The following MEFV variants were observed in gnomAD, a reference collection of about 807,000 sequenced individuals.
The protein encoded by MEFV is MEFV innate immunity regulator, pyrin.
Under a neutral mutation model 62.5 loss-of-function variants are expected in MEFV, and 60 were observed. That is an observed-to-expected ratio of 0.96 (90% confidence interval 0.78 to 1.19). The LOEUF (loss-of-function observed/expected upper bound fraction) is 1.19, where lower values mean the gene tolerates loss of function less well. Among genes scored for constraint, MEFV ranks in the 50% most tolerant of loss-of-function variants. The pLI, the probability that MEFV is intolerant of heterozygous loss-of-function variation, is 0.00. For missense variants in MEFV, 1,169 were observed against 1,004.5 expected, an observed-to-expected ratio of 1.16 and a Z score of -2.21; for synonymous variants, 500 against 415.2, an observed-to-expected ratio of 1.20 and a Z score of -2.48.
intron 2 of MEFV, among the ~76,000 whole-genome samples, chr16:3,253,769 A>G (rs1271998017): frequency 6.6e-6 from 1 of 151,726 alleles, no homozygotes; most frequent in Non-Finnish European, 1.5e-5. Flanking sequence ...GTAGCCTGGA[A>G]CTCCGTCTGC....
In MEFV at chr16:3,243,567, G is replaced by C. The variant is rs104895115; in HGVS notation, c.1920C>G (p.Ile640Met). The part of the protein sequence containing the change: ...PDGPQRFDSC[I>M]IVLGSPSFLS... ...GGAAACTCGGAGAGCCCAGAACAAT[G>C]ATACAGCTGTCAAATCTTTGCGGGC... is the stretch of plus-strand genomic sequence containing the variant. Residue 640 changes from isoleucine (I) to methionine (M), a missense_variant, in exon 10 of 10, where the codon ATC (isoleucine) becomes ATG (methionine). Physicochemically the swap from Ile to Met is conservative, Grantham distance 10 (BLOSUM62 1). Transcript: ENST00000219596. 80 of 1,609,972 alleles carry C rather than the reference G, an allele frequency of 5.0e-5. No individual in the cohort carries two copies. Among genetic ancestry groups the C allele is most frequent in the Non-Finnish European group, 6.5e-5 (76 of 1,177,572 alleles).
intron 1 of MEFV, 36 bp downstream of exon 1, chr16:3,256,275 C>G (rs747391611): frequency 6.2e-6 from 10 of 1,608,092 alleles, no homozygotes; most frequent in Non-Finnish European, 8.5e-6. Flanking sequence ...AGCCAGCACT[C>G]AGCACTGGAT....
intron 2 of MEFV, among the ~76,000 whole-genome samples, chr16:3,251,063 C>G (rs1055999040): frequency 6.7e-6 from 1 of 149,278 alleles, no homozygotes; most frequent in African/African-American, 2.5e-5. Flanking sequence ...GAAACACACT[C>G]AATCCTTTAG....
chr16:3,251,757 G>A (rs224217), intron 2 of MEFV, among the ~76,000 whole-genome samples: 66,363 of 151,982 alleles, frequency 0.44, 15,059 homozygotes, highest in Admixed American at 0.52. Flanking sequence ...TCTACCTGGT[G>A]TCCATAAACC....
chr16:3,252,584 A>G (rs745685945), intron 2 of MEFV, among the ~76,000 whole-genome samples: 2 of 151,594 alleles, frequency 1.3e-5, no homozygotes, highest in African/African-American at 2.4e-5. Context: ...TGGACCCCCA[A>G]TTCTATTTCT....
rs895839095 is a variant in MEFV at position 3,254,659 on chromosome 16, C to A, written c.409G>T (p.Gly137Cys). ...NEGNGPRPYG[G>C]GAASLRCSQP... ...CTGCACCGCAGGCTGGCAGCTCCGC[C>A]CCCGTACGGCCGAGGGCCGTTCCCC... The change falls in exon 2 of 10, where the codon GGC becomes TGC. Residue 137 changes from glycine to cysteine, a missense_variant. Physicochemically the swap from Gly to Cys is radical, Grantham distance 159. Transcript: ENST00000219596. The A allele has an allele frequency of 5.0e-6, 8 of 1,610,370 alleles. No homozygotes were observed. In the African/African-American group the frequency reaches 1.1e-4, roughly 22 times the overall value.
Position 3,254,290 on chromosome 16 carries a change from G to C in MEFV, c.778C>G (p.Leu260Val). Residue 260 changes from leucine to valine, a missense_variant, in exon 2 of 10, where the codon CTC becomes GTC. Physicochemically the swap from Leu to Val is conservative, Grantham distance 32 (BLOSUM62 1). Transcript: ENST00000219596. ...GCTGTCTTTTCCTCTAGAGTCAGGA[G>C]AATTTCTGGATTTGCGGGCGCCTTC... ...GEKAPANPEI[L>V]LTLEEKTAAN... 1 of 1,614,254 alleles carries C rather than the reference G, an allele frequency of 6.2e-7. No individual in the cohort carries two copies. Among genetic ancestry groups the C allele is most frequent in the Non-Finnish European group, 8.5e-7 (1 of 1,180,046 alleles).
chr16:3,254,403 C>CCCGGGGCGCCCCCCG lies in MEFV; in HGVS notation c.650_664dup (p.Ala217_Pro221dup), dbSNP rs1375765405. 8 of 1,613,162 alleles carry CCCGGGGCGCCCCCCG rather than the reference C, an allele frequency of 5.0e-6. No homozygotes were observed. Among genetic ancestry groups the CCCGGGGCGCCCCCCG allele is most frequent in the Non-Finnish European group, 6.8e-6 (8 of 1,179,846 alleles). ...TTCGAAGGGCCTGCACTCCTTCTGC[C>CCCGGGGCGCCCCCCG]CCGGGGCGCCCCCCGCCAGCCCCTG... On this transcript the variant is annotated inframe_insertion, in exon 2 of 10. Coordinates refer to ENST00000219596, the MANE Select transcript of MEFV (RefSeq NM_000243.3).
Position 3,243,848 on chromosome 16 carries a change from C to T in MEFV, c.1792+12G>A. On this transcript the variant is annotated intron_variant, in intron 9 of 9. Coordinates refer to ENST00000219596, the MANE Select transcript of MEFV (RefSeq NM_000243.3). ...GCAGGCCAGGGCCACTTGCCTTGAT[C>T]TGGGCACTTACCAGCATGTGCCTGA... 6.2e-7 allele frequency: 1 copy of T among 1,613,672 alleles called. No individual in the cohort carries two copies. Among genetic ancestry groups the T allele is most frequent in the Non-Finnish European group, 8.5e-7 (1 of 1,179,796 alleles).
At chr16:3,244,112 G>T in intron 8 of MEFV, 142 bp downstream of exon 8, 2 of 1,554,526 alleles carry the variant, frequency 1.3e-6, no homozygotes, top group Middle Eastern at 1.7e-4. Context: ...GAGCCTGGGG[G>T]GCCTGCCATG....
In MEFV at chr16:3,254,529, G is replaced by A. The variant is rs104895134; in HGVS notation, c.539C>T (p.Pro180Leu). ...DAQGKPRTRS[P>L]ALPGGRSPGP... ...GGGGCTTCTCCCGCCCGGCAGGGCC[G>A]GGCTCCGGGTCCGAGGCTTGCCCTG... The change falls in exon 2 of 10, where the codon CCG becomes CTG. Residue 180 changes from proline (P) to leucine (L), a missense_variant. Physicochemically the swap from Pro to Leu is moderately conservative, Grantham distance 98 (BLOSUM62 -3). Transcript: ENST00000219596. The A allele has an allele frequency of 1.5e-5, 23 of 1,555,072 alleles. No individual in the cohort carries two copies. The highest frequency in any genetic ancestry group is 1.9e-5 in the Non-Finnish European group (22 of 1,153,924).
chr16:3,244,015 T>C lies in MEFV; in HGVS notation c.1760-123A>G, dbSNP rs1465854083. ...CCTGCTTAGGGCCCTGCATGCTATGTTGGGTATAATCCCGTTCCTCCCAGG... is the reference window on the plus strand; with the variant it reads ...CCTGCTTAGGGCCCTGCATGCTATGCTGGGTATAATCCCGTTCCTCCCAGG... On this transcript the variant is annotated intron_variant, in intron 8 of 9. Coordinates refer to ENST00000219596, the MANE Select transcript of MEFV (RefSeq NM_000243.3). The C allele has an allele frequency of 1.9e-6, 3 of 1,557,332 alleles. No homozygotes were observed. The highest frequency in any genetic ancestry group is 1.7e-4 in the Middle Eastern group (1 of 5,998).
chr16:3,255,802 G>A (rs1021344828), intron 1 of MEFV, among the ~76,000 whole-genome samples: 7 of 151,950 alleles, frequency 4.6e-5, no homozygotes, highest in East Asian at 1.9e-4. Flanking sequence ...CAGATTATAC[G>A]CTTTAAAAAT....
chr16:3,254,922 G>A lies in MEFV; in HGVS notation c.278-132C>T, dbSNP rs567146316. 13 of 1,449,878 alleles carry A rather than the reference G, an allele frequency of 9.0e-6. No individual in the cohort carries two copies. The South Asian group carries it at 9.5e-5, about 11-fold the overall frequency. 89.8% of individuals were successfully genotyped at this position (1,449,878 alleles called of 1,614,324 possible). A position where few individuals can be genotyped will look rare whatever the true frequency, so the allele number is the denominator to read the frequency against. The stretch of plus-strand genomic sequence containing the variant: ...AGGAAAACAACGGGCCGGGCGCGGT[G>A]GCTCATGCCTGTATTCCCGGCACTC... On this transcript the variant is annotated intron_variant, in intron 1 of 9. Coordinates refer to ENST00000219596, the MANE Select transcript of MEFV (RefSeq NM_000243.3).
rs104895095 is a variant in MEFV at position 3,243,384 on chromosome 16, C to T, written c.2103G>A (p.Ala701=). Residue 701 remains alanine (A), a synonymous_variant, in exon 10 of 10, where the codon GCG becomes GCA. Coordinates refer to ENST00000219596, the MANE Select transcript of MEFV (RefSeq NM_000243.3). The part of the protein sequence containing the change: ...VIMMKENEYQ[A]SSVPPTRLLI... The stretch of plus-strand genomic sequence containing the variant: ...GCAGGCGGGTCGGGGGAACGCTGGA[C>T]GCCTGGTACTCATTTTCCTTCATCA... 5.8e-5 allele frequency: 93 copies of T among 1,614,184 alleles called. No individual in the cohort carries two copies. The highest frequency in any genetic ancestry group is 1.5e-4 in the Admixed American group (9 of 60,032).
At chr16:3,244,072 T>G (rs1477146376) in intron 8 of MEFV, 180 bp from the exon 9 acceptor site, 2 of 1,551,660 alleles carry the variant, frequency 1.3e-6, no homozygotes, top group East Asian at 4.9e-5. Flanking sequence ...TGTGGTCTAA[T>G]GAGTCAACTC....
At chr16:3,250,919 G>A (rs535379854) in intron 2 of MEFV, among the ~76,000 whole-genome samples, 1 of 150,704 alleles carries the variant, frequency 6.6e-6, no homozygotes, top group African/African-American at 2.4e-5. Context: ...AGCTACTCGG[G>A]AGGCTGAGGC....
Position 3,246,504 on chromosome 16 carries a change from C to T in MEFV, c.1610+21G>A, listed in dbSNP as rs113925050. On this transcript the variant is annotated intron_variant, in intron 6 of 9. Transcript: ENST00000219596. ...GCTTTCTGCAAGACACCCCAGGGTA[C>T]ACCACAGGACCTCGCTGTACCTGTG... The T allele has an allele frequency of 2.8e-4, 445 of 1,614,038 alleles. No individual in the cohort carries two copies. The African/African-American group carries it at 5.2e-3, about 19-fold the overall frequency.
At chr16:3,246,680 A>C in intron 5 of MEFV, 133 bp from the exon 6 acceptor site, 1 of 940,796 alleles carries the variant, frequency 1.1e-6, no homozygotes, top group Non-Finnish European at 1.7e-6. Context: ...CTAGGGTGTC[A>C]GTGGAAGTGG....
Sources: allele counts gnomAD v4.1 joint callset (sites outside exome capture counted in the v4.1 genomes callset), GRCh38; gene constraint gnomAD v4.1.1; transcripts MANE v1.5; gene names NCBI Gene and HGNC (gene_info 2026-07-23, HGNC 2026-07-21).